The following MAPK6 variants were observed in gnomAD, a reference collection of about 807,000 sequenced individuals.
MAPK6 encodes ERK-3.
MAPK6 carries 19 observed loss-of-function variants against 59.3 expected under a neutral mutation model. The ratio of observed to expected loss-of-function variants is 0.32; its 90% CI spans 0.22 to 0.47. The LOEUF (loss-of-function observed/expected upper bound fraction) is 0.47. Ranked by LOEUF, MAPK6 falls within the 20% of genes least tolerant of loss-of-function variation. The pLI, the probability that MAPK6 is intolerant of heterozygous loss-of-function variation, is 1.00. For missense variants in MAPK6, 724 were observed against 847.9 expected, an observed-to-expected ratio of 0.85 and a Z score of 1.81; for synonymous variants, 316 against 290.3, an observed-to-expected ratio of 1.09 and a Z score of -0.90.
At chr15:52,030,353 C>G (rs1321758217) in intron 1 of MAPK6, among the ~76,000 whole-genome samples, 1 of 152,174 alleles carries the variant, frequency 6.6e-6, no homozygotes, top group Non-Finnish European at 1.5e-5. Context: ...CAAACAGTGC[C>G]TGGCACATGC....
chr15:52,059,486 C>T (rs2032113776), intron 4 of MAPK6, among the ~76,000 whole-genome samples: 1 of 152,086 alleles, frequency 6.6e-6, no homozygotes, highest in Admixed American at 6.6e-5. Flanking sequence ...GAGTGGGGAA[C>T]AGGGTGGGTG....
At chr15:51,996,607 G>T (rs1309344906) in intron 2 of MAPK6, among the ~76,000 whole-genome samples, 3 of 151,962 alleles carry the variant, frequency 2.0e-5, no homozygotes, top group East Asian at 1.9e-4. Flanking sequence ...TATTGGCCAG[G>T]ATAGTCTCGA....
rs1596019263 is a variant in MAPK6, at chr15:52,065,070, T to G, written c.*70T>G. 2 of 1,405,766 alleles carry G rather than the reference T, an allele frequency of 1.4e-6. No individual in the cohort carries two copies. The highest frequency in any genetic ancestry group is 4.8e-5 in the Admixed American group (2 of 42,006). The allele number at this position is 1,405,766 out of a possible 1,614,324, so 87.1% of individuals were successfully genotyped here. A position where few individuals can be genotyped will look rare whatever the true frequency, so the allele number is the denominator to read the frequency against. ...TTTGTCTTTTTTTATTACTAGTGTTTAAGTCATTTTTTACTTGAATCAGAT... is the reference window on the plus strand; with the variant it reads ...TTTGTCTTTTTTTATTACTAGTGTTGAAGTCATTTTTTACTTGAATCAGAT... On this transcript the variant is annotated 3_prime_UTR_variant, in exon 6 of 6. Coordinates refer to ENST00000261845, the MANE Select transcript of MAPK6 (RefSeq NM_002748.4).
intron 2 of MAPK6, chr15:52,004,061 C>T (rs2057250395): frequency 6.6e-6 from 1 of 152,182 alleles, no homozygotes; most frequent in Admixed American, 6.6e-5. Flanking sequence ...TTCCTTTCCT[C>T]CCCACGACCA....
intron 2 of MAPK6, among the ~76,000 whole-genome samples, chr15:51,984,968 A>T (rs2057186271): frequency 6.6e-6 from 1 of 152,216 alleles, no homozygotes; most frequent in Admixed American, 6.5e-5. Flanking sequence ...TCACTACTAT[A>T]ATCAACAAGA....
rs553637480 is a variant in MAPK6, at chr15:52,024,371, A to G, written c.-632+4995A>G. 3.8e-4 allele frequency among the ~76,000 whole-genome samples: 58 copies of G among 151,998 alleles called. No homozygotes were observed. The South Asian group carries it at 0.011, about 29-fold the overall frequency. On this transcript the variant is annotated intron_variant, in intron 1 of 5. Transcript: ENST00000261845. ...CATCTCAGTCCTACGGTCCTACTGA[A>G]TTAGAATCTTAGAATCTACTTTTTC...
At chr15:52,017,483 A>T (rs1286376369), upstream of MAPK6, 1 of 152,332 alleles carries the variant, frequency 6.6e-6, no homozygotes, top group Non-Finnish European at 1.5e-5. Context: ...TCATCAGTTA[A>T]GGCTATTTTC....
At chr15:51,997,294 CAG>C (rs1435767214) in intron 2 of MAPK6, among the ~76,000 whole-genome samples, 1 of 127,216 alleles carries the variant, frequency 7.9e-6, no homozygotes, top group Non-Finnish European at 1.5e-5. Flanking sequence ...TTTTTTGAAA[CAG>C]AGTCTTGCTT....
upstream of MAPK6, among the ~76,000 whole-genome samples, chr15:52,015,583 T>C (rs1486983841): frequency 6.6e-6 from 1 of 150,608 alleles, no homozygotes; most frequent in African/African-American, 2.4e-5. Context: ...GTTCAAGCAA[T>C]TCTCCTGCCT....
chr15:52,038,995 T>C (rs1185370022), intron 1 of MAPK6, among the ~76,000 whole-genome samples: 3 of 152,190 alleles, frequency 2.0e-5, no homozygotes. Flanking sequence ...TTTTTGAATT[T>C]CTAATATGAA....
upstream of MAPK6, among the ~76,000 whole-genome samples, chr15:52,014,619 A>T: frequency 6.6e-6 from 1 of 150,942 alleles, no homozygotes; most frequent in Non-Finnish European, 1.5e-5. Context: ...AGGCAAGAAG[A>T]TTGCTTGAGC....
intron 1 of MAPK6, among the ~76,000 whole-genome samples, chr15:52,028,785 A>C (rs754582016): frequency 2.0e-5 from 3 of 152,134 alleles, no homozygotes; most frequent in Admixed American, 6.6e-5. Flanking sequence ...CTTCCAAGCC[A>C]GTTTTCAAAA....
chr15:51,989,852 C>T (rs1037196846), intron 2 of MAPK6, among the ~76,000 whole-genome samples: 3 of 152,238 alleles, frequency 2.0e-5, no homozygotes, highest in Non-Finnish European at 2.9e-5. Context: ...GATCCTCCCA[C>T]CTCAGCTTCC....
chr15:51,983,574 C>A (rs554145397), intron 2 of MAPK6, among the ~76,000 whole-genome samples: 1 of 152,052 alleles, frequency 6.6e-6, no homozygotes, highest in African/African-American at 2.4e-5. Flanking sequence ...CTTTGGGAGG[C>A]CTAGGTGGGT....
chr15:51,977,159 C>T (rs1291431782), intron 1 of MAPK6, among the ~76,000 whole-genome samples: 4 of 151,146 alleles, frequency 2.6e-5, no homozygotes, highest in East Asian at 2.0e-4. Context: ...CACACCACCA[C>T]GCCCGGCTAA....
chr15:52,005,174 T>A (rs1400641624), intron 3 of MAPK6, among the ~76,000 whole-genome samples: 1 of 152,162 alleles, frequency 6.6e-6, no homozygotes, highest in Non-Finnish European at 1.5e-5. Flanking sequence ...GGGAGAAAGT[T>A]CTATCTTGGA....
upstream of MAPK6, among the ~76,000 whole-genome samples, chr15:52,016,070 G>GCACGCGCGCACACA (rs1555396608): frequency 1.8e-5 from 1 of 55,392 alleles, no homozygotes; most frequent in Non-Finnish European, 3.4e-5. Context: ...GCGCGCGCGC[G>GCACGCGCGCACACA]CACACACACA....
In MAPK6 at chr15:52,065,717, T is replaced by TA; in HGVS notation, c.*718dup. 1 of 145,012 alleles carries TA rather than the reference T, an allele frequency of 6.9e-6. No homozygotes were observed. The highest frequency in any genetic ancestry group is 2.6e-5 in the African/African-American group (1 of 38,890). The allele number at this position is 145,012 out of a possible 1,614,324, so 9.0% of individuals were successfully genotyped here. On this transcript the variant is annotated 3_prime_UTR_variant, in exon 6 of 6. Transcript: ENST00000261845. ...TGTATTTAATTATAAAAAATTAACT[T>TA]AGTTTTTAAAATTTATTTGCAAATA...
chr15:52,059,144 G>A (rs759003605), intron 4 of MAPK6, among the ~76,000 whole-genome samples: 4 of 152,124 alleles, frequency 2.6e-5, no homozygotes, highest in Non-Finnish European at 5.9e-5. Flanking sequence ...AATTTCAGCC[G>A]GTTTTGCAGG....
Sources: allele counts gnomAD v4.1 joint callset (sites outside exome capture counted in the v4.1 genomes callset), GRCh38; gene constraint gnomAD v4.1.1; transcripts MANE v1.5; gene names NCBI Gene and HGNC (gene_info 2026-07-23, HGNC 2026-07-21).